Variants in ZNF367 observed in about 807,000 individuals in gnomAD.
The protein encoded by ZNF367 is zinc finger protein 367.
ZNF367 carries 11 observed loss-of-function variants against 31.8 expected under a neutral mutation model. That is an observed-to-expected ratio of 0.35 (90% CI 0.22 to 0.57). ZNF367 has a LOEUF of 0.57. Among genes scored for constraint, ZNF367 ranks in the 20% least tolerant of loss-of-function variants. ZNF367 has a pLI of 0.85. For synonymous variants in ZNF367, 199 were observed against 202.4 expected (o/e 0.98, Z 0.14); for missense variants, 353 against 484.1 (o/e 0.73, Z 2.54).
In ZNF367 at chr9:96,418,312, G is replaced by A; in HGVS notation, c.-280C>T. 2.5e-6 allele frequency: 1 copy of A among 399,304 alleles called. No homozygotes were observed. Among genetic ancestry groups the A allele is most frequent in the East Asian group, 3.7e-5 (1 of 27,028 alleles). The allele number at this position is 399,304 out of a possible 1,614,324, so 24.7% of individuals were successfully genotyped here. A position where few individuals can be genotyped will look rare whatever the true frequency, so the allele number is the denominator to read the frequency against. On this transcript the variant is annotated 5_prime_UTR_variant, in exon 1 of 5. Coordinates refer to ENST00000375256, the MANE Select transcript of ZNF367 (RefSeq NM_153695.4). ...CAGCGGGCGGCCCGGCCCTTGCGGT[G>A]ACAGGAAAGCAGGACGCGCGGCGCT... is the stretch of plus-strand genomic sequence containing the variant.
chr9:96,408,333 A>T (rs1353758619), intron 1 of ZNF367, among the ~76,000 whole-genome samples: 1 of 152,262 alleles, frequency 6.6e-6, no homozygotes, highest in Non-Finnish European at 1.5e-5. Flanking sequence ...CATTATTCAC[A>T]ATCGATAGCA....
chr9:96,401,431 C>G (rs1003900666), intron 1 of ZNF367, among the ~76,000 whole-genome samples: 1 of 151,970 alleles, frequency 6.6e-6, no homozygotes, highest in Non-Finnish European at 1.5e-5. Context: ...GAAGCCGAGG[C>G]GGGCAGATCA....
intron 1 of ZNF367, among the ~76,000 whole-genome samples, chr9:96,399,138 A>G (rs935643844): frequency 6.6e-6 from 1 of 152,114 alleles, no homozygotes; most frequent in Admixed American, 6.6e-5. Context: ...AAAGTCATGC[A>G]TATATGCCCA....
At chr9:96,396,557 AG>A (rs1831532970) in intron 2 of ZNF367, among the ~76,000 whole-genome samples, 1 of 152,202 alleles carries the variant, frequency 6.6e-6, no homozygotes, top group African/African-American at 2.4e-5. Flanking sequence ...GGAAAAAAAT[AG>A]GGGACTGAGG....
rs2131068567 is a variant in ZNF367, at chr9:96,388,042, T to C, written c.*195A>G. The C allele has an allele frequency of 5.2e-6, 3 of 579,910 alleles. No homozygotes were observed. In the East Asian group the frequency reaches 8.5e-5, roughly 16 times the overall value. The allele number at this position is 579,910 out of a possible 1,614,324, so 35.9% of individuals were successfully genotyped here. A position where few individuals can be genotyped will look rare whatever the true frequency, so the allele number is the denominator to read the frequency against. On this transcript the variant is annotated 3_prime_UTR_variant, in exon 5 of 5. Transcript: ENST00000375256. ...CATATTTACAAAATATTTTAAACTT[T>C]ACGATGAATTCATTTCCATATTAAA...
chr9:96,396,112 C>T (rs1358365309), intron 2 of ZNF367, among the ~76,000 whole-genome samples: 1 of 152,072 alleles, frequency 6.6e-6, no homozygotes. Flanking sequence ...CCTTAGGGAT[C>T]CTCCTTTCAG....
chr9:96,398,411 C>A, intron 1 of ZNF367, 97 bp from the exon 2 acceptor site: 1 of 1,150,360 alleles, frequency 8.7e-7, no homozygotes, highest in African/African-American at 1.6e-5. Flanking sequence ...TTCTTGGGAG[C>A]TGGGCGCAGC....
intron 1 of ZNF367, among the ~76,000 whole-genome samples, chr9:96,410,358 G>A (rs1831729076): frequency 1.3e-5 from 2 of 150,564 alleles, no homozygotes; most frequent in South Asian, 2.1e-4. Flanking sequence ...TCAGGAGATC[G>A]AGACCATCCT....
chr9:96,407,485 A>T, intron 1 of ZNF367: 1 of 1,299,796 alleles, frequency 7.7e-7, no homozygotes, highest in Non-Finnish European at 1.1e-6. Flanking sequence ...ACTATCAAAG[A>T]TGCATGAAAA....
intron 3 of ZNF367, among the ~76,000 whole-genome samples, chr9:96,394,470 ATAAGT>A (rs560836510): frequency 5.1e-4 from 77 of 152,328 alleles, no homozygotes; most frequent in African/African-American, 1.7e-3. Flanking sequence ...ACATTCTAAA[ATAAGT>A]TAAGAGTATA....
chr9:96,407,219 G>A (rs1831681793), intron 1 of ZNF367: 2 of 802,418 alleles, frequency 2.5e-6, no homozygotes, highest in African/African-American at 1.7e-5. Context: ...GGGTCTTTGA[G>A]ACCCGAAAAT....
chr9:96,414,910 A>C (rs964032701), intron 1 of ZNF367, among the ~76,000 whole-genome samples: 1 of 152,196 alleles, frequency 6.6e-6, no homozygotes, highest in Non-Finnish European at 1.5e-5. Context: ...TATAAGAATA[A>C]AACCATAAAG....
chr9:96,401,002 G>A (rs544892288), intron 1 of ZNF367, among the ~76,000 whole-genome samples: 1 of 152,282 alleles, frequency 6.6e-6, no homozygotes, highest in East Asian at 1.9e-4. Context: ...AAGGCAGGAG[G>A]ATCACTTGAA....
chr9:96,401,788 C>T (rs1362090397), intron 1 of ZNF367, among the ~76,000 whole-genome samples: 1 of 150,450 alleles, frequency 6.6e-6, no homozygotes, highest in Non-Finnish European at 1.5e-5. Context: ...AGATTGCGCC[C>T]CTGCACTCCA....
At position 96,388,114 on chromosome 9, in the gene ZNF367, T is replaced by C. The variant is rs938116464; in HGVS notation, c.*123A>G. On this transcript the variant is annotated 3_prime_UTR_variant, in exon 5 of 5. Coordinates refer to ENST00000375256, the MANE Select transcript of ZNF367 (RefSeq NM_153695.4). ...CCATATTCTGGGGCAATAACATTCTTCATAAATTTCTACAGAATAGCAGCC... is the reference window on the plus strand; with the variant it reads ...CCATATTCTGGGGCAATAACATTCTCCATAAATTTCTACAGAATAGCAGCC... 6.6e-6 allele frequency: 6 copies of C among 910,386 alleles called. No individual in the cohort carries two copies. In the African/African-American group the frequency reaches 1.0e-4, roughly 15 times the overall value. The allele number at this position is 910,386 out of a possible 1,614,324, so 56.4% of individuals were successfully genotyped here.
intron 1 of ZNF367, 44 bp from the exon 2 acceptor site, chr9:96,398,358 T>C (rs752729374): frequency 5.8e-6 from 9 of 1,543,508 alleles, no homozygotes; most frequent in Non-Finnish European, 7.9e-6. Context: ...TATTTAACGC[T>C]ACTCATTAAA....
chr9:96,387,939 C>G lies in ZNF367; in HGVS notation c.*298G>C, dbSNP rs1831424242. 1 of 316,246 alleles carries G rather than the reference C, an allele frequency of 3.2e-6. No individual in the cohort carries two copies. The highest frequency in any genetic ancestry group is 5.7e-6 in the Non-Finnish European group (1 of 173,934). 19.6% of individuals were successfully genotyped at this position (316,246 alleles called of 1,614,324 possible). On this transcript the variant is annotated 3_prime_UTR_variant, in exon 5 of 5. Transcript: ENST00000375256. ...ATTCAGAAAGTGCTTCCTGTGAGAA[C>G]TGCTTCCAATGAATGCATTAAACTT... is the stretch of plus-strand genomic sequence containing the variant.
At position 96,387,119 on chromosome 9, in the gene ZNF367, G is replaced by A. The variant is rs1217629080; in HGVS notation, c.*1118C>T. 1 of 152,158 alleles carries A rather than the reference G, an allele frequency of 6.6e-6. No individual in the cohort carries two copies. The highest frequency in any genetic ancestry group is 1.5e-5 in the Non-Finnish European group (1 of 68,014). The allele number at this position is 152,158 out of a possible 1,614,324, so 9.4% of individuals were successfully genotyped here. A position where few individuals can be genotyped will look rare whatever the true frequency, so the allele number is the denominator to read the frequency against. ...AACCACCACACAAGTTAACACACTT[G>A]CAGTTAAAACTATTTCAGAAGCCTA... On this transcript the variant is annotated 3_prime_UTR_variant, in exon 5 of 5. Coordinates refer to ENST00000375256, the MANE Select transcript of ZNF367 (RefSeq NM_153695.4).
At chr9:96,401,892 A>T (rs953478358) in intron 1 of ZNF367, among the ~76,000 whole-genome samples, 1 of 150,592 alleles carries the variant, frequency 6.6e-6, no homozygotes, top group African/African-American at 2.4e-5. Context: ...CCAGCTACTC[A>T]GGAGGCTGAG....
Sources: gnomAD v4.1 joint callset for allele counts (sites outside exome capture counted in the v4.1 genomes callset) on GRCh38, gnomAD v4.1.1 for gene constraint, MANE v1.5 for transcripts, NCBI Gene and HGNC (gene_info 2026-07-23, HGNC 2026-07-21) for gene names.